Variants in RSRP1 observed in about 807,000 individuals in gnomAD.
The protein encoded by RSRP1 is arginine and serine rich protein 1.
In RSRP1, 37 loss-of-function variants were observed where a neutral mutation model predicts 33.0. The observed-to-expected ratio is 1.12, with a 90% confidence interval of 0.86 to 1.48. The LOEUF (loss-of-function observed/expected upper bound fraction) is 1.48. Among genes scored for constraint, RSRP1 ranks in the 40% most tolerant of loss-of-function variants. The pLI is 0.00. For missense variants in RSRP1, 402 were observed against 385.3 expected (o/e 1.04, Z -0.36); for synonymous variants, 167 against 158.7 (o/e 1.05, Z -0.40).
chr1:25,246,325 A>G (rs1639387156), intron 2 of RSRP1, 119 bp downstream of exon 2: 3 of 1,469,442 alleles, frequency 2.0e-6, no homozygotes, highest in South Asian at 1.3e-5. Context: ...TTTCCTCCAA[A>G]AAGATTTCGG....
chr1:25,311,670 G>C (rs1207625418), intron 1 of RSRP1, among the ~76,000 whole-genome samples: 1 of 129,800 alleles, frequency 7.7e-6, no homozygotes, highest in East Asian at 2.0e-4. Flanking sequence ...AGCTCTAAGA[G>C]GGCAGAATGG....
intron 1 of RSRP1, among the ~76,000 whole-genome samples, chr1:25,312,957 T>TAAAAAAAAAAAAAA (rs1491188755): frequency 4.1e-5 from 1 of 24,428 alleles, no homozygotes; most frequent in East Asian, 1.4e-3. Flanking sequence ...AAAAAAAAAC[T>TAAAAAAAAAAAAAA]TTAGTGCTAT....
At chr1:25,261,386 G>A (rs959345735) in intron 1 of RSRP1, among the ~76,000 whole-genome samples, 3 of 151,522 alleles carry the variant, frequency 2.0e-5, no homozygotes, top group African/African-American at 7.3e-5. Flanking sequence ...ACTTTGCTCT[G>A]AGAAAAATGT....
At chr1:25,336,533 A>G (rs1305218319) in intron 1 of RSRP1, 3 of 147,582 alleles carry the variant, frequency 2.0e-5, no homozygotes, top group Admixed American at 6.6e-5. Flanking sequence ...TCTTATTAGT[A>G]AGAGTAATAT....
chr1:25,307,440 A>G (rs572072289), intron 1 of RSRP1, among the ~76,000 whole-genome samples: 1 of 132,698 alleles, frequency 7.5e-6, no homozygotes, highest in South Asian at 2.3e-4. Flanking sequence ...TGGGCACGAT[A>G]CAGGGATAGA....
Position 25,274,092 on chromosome 1 carries a change from T to A in RSRP1, c.-66-27063A>T, listed in dbSNP as rs603347. ...ATGACATCCAATGTGGGATCCAGAC[T>A]CATGATGATTAGAGCTGATATTTAT... On this transcript the variant is annotated intron_variant, in intron 1 of 1. Transcript: ENST00000561867. Among the ~76,000 whole-genome samples the A allele has an allele frequency of 1.7e-4, 23 of 132,770 alleles. 2 individuals are homozygous for A. Among genetic ancestry groups the A allele is most frequent in the African/African-American group, 4.6e-4 (18 of 38,870 alleles). 87.1% of individuals were successfully genotyped at this position (132,770 alleles called of 152,430 possible).
chr1:25,328,977 T>C (rs1406795418), intron 1 of RSRP1: 1 of 1,366,096 alleles, frequency 7.3e-7, no homozygotes, highest in East Asian at 2.2e-5. Context: ...CAACTTCCTC[T>C]CACTGTTGCC....
At chr1:25,285,842 C>T (rs1351301847) in intron 1 of RSRP1, among the ~76,000 whole-genome samples, 1 of 134,456 alleles carries the variant, frequency 7.4e-6, no homozygotes, top group African/African-American at 2.6e-5. Context: ...TCATCCTAGG[C>T]ATCTTAGGGA....
intron 1 of RSRP1, among the ~76,000 whole-genome samples, chr1:25,276,786 G>T (rs1238938215): frequency 7.6e-6 from 1 of 132,022 alleles, no homozygotes; most frequent in Non-Finnish European, 1.8e-5. Context: ...AAACATAAAG[G>T]CTGGGTGTAG....
At chr1:25,307,744 G>C in intron 1 of RSRP1, 1 of 1,307,304 alleles carries the variant, frequency 7.6e-7, no homozygotes, top group East Asian at 2.5e-5. Flanking sequence ...AGGCGCTGCG[G>C]TTCCTACCGG....
intron 1 of RSRP1, chr1:25,267,884 C>A (rs1170430415): frequency 7.6e-6 from 1 of 131,890 alleles, no homozygotes. Flanking sequence ...CGGCGGAAAG[C>A]CCCTGAACCC....
chr1:25,244,591 C>A, intron 3 of RSRP1: 1 of 1,279,730 alleles, frequency 7.8e-7, no homozygotes, highest in Non-Finnish European at 1.0e-6. Flanking sequence ...GCTACAAACA[C>A]TCTGTAAATA....
At chr1:25,253,993 G>C (rs1557495342) in intron 1 of RSRP1, 5 of 152,242 alleles carry the variant, frequency 3.3e-5, no homozygotes, top group Admixed American at 3.3e-4. Context: ...TACATTTGTT[G>C]ATCTTAGATC....
chr1:25,246,453 T>C lies in RSRP1; in HGVS notation c.511A>G (p.Ser171Gly), dbSNP rs200995046. 2.3e-5 allele frequency: 37 copies of C among 1,612,660 alleles called. No individual in the cohort carries two copies. The highest frequency in any genetic ancestry group is 2.9e-5 in the Non-Finnish European group (34 of 1,178,842). ...TAAATGACCCACCCACCTTTTTCAC[T>C]TAAGCGAAAGGGGGTTCTGCTCCGC... The part of the protein sequence containing the change: ...RSRSRTPFRL[S>G]EKDRMELLEI... The change falls in exon 2 of 5, where the codon AGT becomes GGT. Residue 171 changes from serine (S) to glycine (G), a missense_variant. Ser to Gly is a moderately conservative substitution (Grantham distance 56). Coordinates refer to ENST00000243189, the MANE Select transcript of RSRP1 (RefSeq NM_020317.5).
chr1:25,249,341 C>T (rs75282344), upstream of RSRP1, among the ~76,000 whole-genome samples: 1,872 of 151,846 alleles, frequency 0.012, 34 homozygotes, highest in African/African-American at 0.042. Flanking sequence ...CCAGAAAAAT[C>T]CTAATTTTTT....
chr1:25,243,715 A>C, intron 3 of RSRP1, 82 bp from the exon 4 acceptor site: 2 of 1,548,598 alleles, frequency 1.3e-6, no homozygotes, highest in Middle Eastern at 1.7e-4. Context: ...GCCTAATTGT[A>C]AACAAAATTT....
At chr1:25,252,134 G>C (rs1207571214), upstream of RSRP1, among the ~76,000 whole-genome samples, 2 of 151,786 alleles carry the variant, frequency 1.3e-5, no homozygotes, top group Non-Finnish European at 1.5e-5. Flanking sequence ...CATGATCTCG[G>C]TTCACTGCAA....
chr1:25,324,299 AT>A (rs1180352915), intron 1 of RSRP1, among the ~76,000 whole-genome samples: 854 of 116,432 alleles, frequency 7.3e-3, no homozygotes, highest in African/African-American at 0.028. Flanking sequence ...CTGAAAAAAA[AT>A]ATTTGCTGGA....
At chr1:25,319,759 C>A (rs1167932800) in intron 1 of RSRP1, among the ~76,000 whole-genome samples, 1 of 132,416 alleles carries the variant, frequency 7.6e-6, no homozygotes, top group African/African-American at 2.6e-5. Context: ...AGAAACAATC[C>A]TATCAAGCAT....
Sources: gnomAD v4.1 joint callset for allele counts (sites outside exome capture counted in the v4.1 genomes callset) on GRCh38, gnomAD v4.1.1 for gene constraint, MANE v1.5 for transcripts, NCBI Gene and HGNC (gene_info 2026-07-23, HGNC 2026-07-21) for gene names.